The following IQSEC1 variants were observed in gnomAD, a reference collection of about 807,000 sequenced individuals.
IQSEC1 encodes the protein IQ motif and Sec7 domain ArfGEF 1, also known as IQ motif and SEC7 domain-containing protein 1.
IQSEC1 carries 31 observed loss-of-function variants against 91.0 expected under a neutral mutation model. That is an observed-to-expected ratio of 0.34 (90% CI 0.26 to 0.46). The LOEUF (loss-of-function observed/expected upper bound fraction) is 0.46, where lower values mean the gene tolerates loss of function less well. Ranked by LOEUF, IQSEC1 falls within the 20% of genes least tolerant of loss-of-function variation. The pLI is 1.00. For synonymous variants in IQSEC1, 699 were observed against 662.6 expected (o/e 1.05, Z -0.84); for missense variants, 1,388 against 1,575.6 (o/e 0.88, Z 2.02).
chr3:13,244,024 G>T (rs757967058), intron 1 of IQSEC1, among the ~76,000 whole-genome samples: 1 of 152,046 alleles, frequency 6.6e-6, no homozygotes, highest in South Asian at 2.1e-4. Flanking sequence ...TTTGTGGAGC[G>T]CCTGCTCTGT....
At chr3:13,105,349 C>G (rs1441035923) in intron 2 of IQSEC1, among the ~76,000 whole-genome samples, 2 of 152,292 alleles carry the variant, frequency 1.3e-5, no homozygotes, top group African/African-American at 4.8e-5. Context: ...AGTCCAGGGT[C>G]CTGGCCACAC....
At chr3:13,028,947 C>T (rs931337008) in intron 1 of IQSEC1, among the ~76,000 whole-genome samples, 2 of 152,304 alleles carry the variant, frequency 1.3e-5, no homozygotes, top group South Asian at 2.1e-4. Context: ...CCTCACAAGC[C>T]GTTCCTCACA....
At chr3:13,006,661 C>A (rs571987184) in intron 1 of IQSEC1, among the ~76,000 whole-genome samples, 1 of 152,368 alleles carries the variant, frequency 6.6e-6, no homozygotes, top group African/African-American at 2.4e-5. Context: ...CTGAAACACA[C>A]GCGCACACAG....
rs908420846 is a variant in IQSEC1 at position 12,900,857 on chromosome 3, G to A, written c.*126C>T. 69 of 1,528,832 alleles carry A rather than the reference G, an allele frequency of 4.5e-5. No individual in the cohort carries two copies. The highest frequency in any genetic ancestry group is 1.7e-4 in the Middle Eastern group (1 of 5,926). 94.7% of individuals were successfully genotyped at this position (1,528,832 alleles called of 1,614,324 possible). On this transcript the variant is annotated 3_prime_UTR_variant, in exon 14 of 14. Transcript: ENST00000613206. ...GGGCTCCTGGGGCTCCGGTTGGGCC[G>A]TGAGGGGCAGAGGGGAGAGATGGCA...
intron 1 of IQSEC1, among the ~76,000 whole-genome samples, chr3:13,178,960 C>A (rs529462246): frequency 6.6e-6 from 1 of 152,328 alleles, no homozygotes; most frequent in Admixed American, 6.5e-5. Flanking sequence ...AACTGAAATT[C>A]ACCAGATCAC....
chr3:12,932,434 T>C (rs1427745527), intron 3 of IQSEC1, among the ~76,000 whole-genome samples: 1 of 152,220 alleles, frequency 6.6e-6, no homozygotes, highest in Non-Finnish European at 1.5e-5. Context: ...CTACCAACTA[T>C]GTGAGACTCA....
At chr3:13,155,642 G>A (rs989352841) in intron 2 of IQSEC1, among the ~76,000 whole-genome samples, 2 of 152,132 alleles carry the variant, frequency 1.3e-5, no homozygotes, top group South Asian at 4.1e-4. Flanking sequence ...GCATTGTCTT[G>A]TACCAGAGCT....
At chr3:13,066,601 G>A (rs1483902047) in intron 1 of IQSEC1, among the ~76,000 whole-genome samples, 1 of 152,240 alleles carries the variant, frequency 6.6e-6, no homozygotes, top group Admixed American at 6.5e-5. Context: ...GAGTTGGAAC[G>A]TTGTGGGATC....
chr3:13,251,401 A>G (rs1695191738), intron 1 of IQSEC1, among the ~76,000 whole-genome samples: 1 of 152,246 alleles, frequency 6.6e-6, no homozygotes, highest in Non-Finnish European at 1.5e-5. Flanking sequence ...GTAACTGCTC[A>G]GCAACTGGAA....
intron 2 of IQSEC1, among the ~76,000 whole-genome samples, chr3:13,154,535 A>G (rs754103110): frequency 6.9e-6 from 1 of 145,066 alleles, no homozygotes; most frequent in Non-Finnish European, 1.5e-5. Flanking sequence ...TTACTCATTA[A>G]TAGGTGGTGC....
chr3:13,111,104 T>C (rs1706237717), intron 2 of IQSEC1, among the ~76,000 whole-genome samples: 1 of 152,194 alleles, frequency 6.6e-6, no homozygotes, highest in Admixed American at 6.5e-5. Flanking sequence ...GCACAGCTCC[T>C]GCCCTGCAGA....
At chr3:13,133,197 G>A (rs1382750844) in intron 2 of IQSEC1, among the ~76,000 whole-genome samples, 1 of 152,216 alleles carries the variant, frequency 6.6e-6, no homozygotes, top group Non-Finnish European at 1.5e-5. Context: ...TGTCCCAGAA[G>A]ACAGAAGTGG....
intron 1 of IQSEC1, among the ~76,000 whole-genome samples, chr3:12,953,521 T>C (rs1299673773): frequency 1.3e-5 from 2 of 152,134 alleles, no homozygotes; most frequent in Non-Finnish European, 2.9e-5. Flanking sequence ...ACTCGAACAA[T>C]GAACTTTTCA....
At chr3:13,029,408 G>A (rs1703753360) in intron 1 of IQSEC1, among the ~76,000 whole-genome samples, 1 of 152,228 alleles carries the variant, frequency 6.6e-6, no homozygotes, top group African/African-American at 2.4e-5. Context: ...AACTGAAGCA[G>A]CTTTGTTCTG....
intron 1 of IQSEC1, among the ~76,000 whole-genome samples, chr3:13,238,000 C>A (rs1240236489): frequency 1.3e-5 from 2 of 152,204 alleles, no homozygotes; most frequent in African/African-American, 4.8e-5. Context: ...TGTGGCCTTA[C>A]TCTCCCCACC....
chr3:13,079,176 G>A (rs1705608081), intron 2 of IQSEC1, among the ~76,000 whole-genome samples: 1 of 152,250 alleles, frequency 6.6e-6, no homozygotes, highest in East Asian at 1.9e-4. Flanking sequence ...TGCACGTGGA[G>A]TTGGGCTGTG....
intron 2 of IQSEC1, among the ~76,000 whole-genome samples, chr3:13,132,726 C>T (rs1213822848): frequency 6.6e-6 from 1 of 152,204 alleles, no homozygotes; most frequent in Non-Finnish European, 1.5e-5. Context: ...AAAACTTGTT[C>T]CATGCATCTT....
Position 12,936,663 on chromosome 3 carries a change from A to G in IQSEC1, c.353T>C (p.Leu118Pro). 3.1e-6 allele frequency: 5 copies of G among 1,596,946 alleles called. No individual in the cohort carries two copies. Among genetic ancestry groups the G allele is most frequent in the Non-Finnish European group, 4.3e-6 (5 of 1,171,482 alleles). The change falls in exon 3 of 14, where the codon CTG (leucine) becomes CCG (proline). Residue 118 changes from leucine (L) to proline (P), a missense_variant. Coordinates refer to ENST00000613206, the MANE Select transcript of IQSEC1 (RefSeq NM_001134382.3). Reference sequence around the variant, plus strand: ...GGTGCGGGCCGCATGGCGGGTTACCAGGCGCCCCCCATACTTTCGTTCTAG... The same window carrying G: ...GGTGCGGGCCGCATGGCGGGTTACCGGGCGCCCCCCATACTTTCGTTCTAG... Reference protein sequence around the residue: ...EMLERKYGGRLVTRHAARTIQ... With the variant: ...EMLERKYGGRPVTRHAARTIQ...
At position 12,936,194 on chromosome 3, in the gene IQSEC1, C is replaced by T; in HGVS notation, c.822G>A (p.Met274Ile). ...DTEPQTALHG[M>I]DHRKLDEMTA... The stretch of plus-strand genomic sequence containing the variant: ...TCATCTCGTCCAGTTTGCGGTGGTC[C>T]ATGCCGTGCAGGGCTGTCTGGGGTT... Residue 274 changes from methionine (M) to isoleucine (I), a missense_variant, in exon 3 of 14, where the codon ATG (methionine) becomes ATA (isoleucine). By Grantham distance (10) the Met-to-Ile change is conservative. Around this residue, in one of 2 missense-constraint regions of IQSEC1, gnomAD observed 1,059 missense variants for 1,317.8 expected, o/e 0.80. Transcript: ENST00000613206. The T allele has an allele frequency of 6.2e-7, 1 of 1,612,950 alleles. No homozygotes were observed. The highest frequency in any genetic ancestry group is 8.5e-7 in the Non-Finnish European group (1 of 1,179,952).
Sources: gnomAD v4.1 joint callset for allele counts (sites outside exome capture counted in the v4.1 genomes callset) on GRCh38, gnomAD v4.1.1 for gene constraint, gnomAD v4.1.1 regional missense constraint, MANE v1.5 for transcripts, NCBI Gene and HGNC (gene_info 2026-07-23, HGNC 2026-07-21) for gene names.